TMEM132C: variants seen among roughly 807,000 people sequenced by gnomAD.
TMEM132C encodes transmembrane protein 132C.
In TMEM132C, 29 loss-of-function variants were observed where a neutral mutation model predicts 61.4. The ratio of observed to expected loss-of-function variants is 0.47; its 90% CI spans 0.35 to 0.64. TMEM132C has a LOEUF of 0.64. TMEM132C is among the 30% of genes least tolerant of loss of function. TMEM132C has a pLI of 0.00. For missense variants in TMEM132C, 1,408 were observed against 1,476.9 expected, an observed-to-expected ratio of 0.95 and a Z score of 0.76; for synonymous variants, 656 against 633.1, an observed-to-expected ratio of 1.04 and a Z score of -0.54.
intron 2 of TMEM132C, among the ~76,000 whole-genome samples, chr12:128,519,409 C>T (rs1425896464): frequency 1.3e-5 from 2 of 152,234 alleles, no homozygotes; most frequent in Admixed American, 6.5e-5. Flanking sequence ...TTCATCCTTA[C>T]AGTGAAGGCT....
intron 1 of TMEM132C, among the ~76,000 whole-genome samples, chr12:128,402,147 C>A (rs1875183609): frequency 6.6e-6 from 1 of 152,130 alleles, no homozygotes; most frequent in Non-Finnish European, 1.5e-5. Flanking sequence ...AGGTGACCTC[C>A]AGAAAATGGA....
At chr12:128,276,092 CT>C (rs2135894211) in intron 1 of TMEM132C, among the ~76,000 whole-genome samples, 1 of 152,298 alleles carries the variant, frequency 6.6e-6, no homozygotes, top group South Asian at 2.1e-4. Context: ...TTTCAAGATC[CT>C]TAATGACATC....
intron 1 of TMEM132C, among the ~76,000 whole-genome samples, chr12:128,414,517 CAT>C (rs376740627): frequency 2.7e-4 from 41 of 152,284 alleles, no homozygotes; most frequent in African/African-American, 9.4e-4. Flanking sequence ...TTCTCATTTT[CAT>C]ATGTTTCAAC....
At chr12:128,347,068 C>T (rs1432235065) in intron 1 of TMEM132C, among the ~76,000 whole-genome samples, 1 of 152,150 alleles carries the variant, frequency 6.6e-6, no homozygotes, top group Non-Finnish European at 1.5e-5. Context: ...TCTTTTATCC[C>T]TCAGTTCCCT....
chr12:128,640,722 A>G (rs116224128), intron 4 of TMEM132C, among the ~76,000 whole-genome samples: 110 of 152,306 alleles, frequency 7.2e-4, no homozygotes, highest in African/African-American at 2.2e-3. Context: ...CAAAACCTCT[A>G]CAAAAAATTT....
intron 3 of TMEM132C, among the ~76,000 whole-genome samples, chr12:128,595,268 A>G (rs950795405): frequency 2.0e-5 from 3 of 152,184 alleles, no homozygotes; most frequent in African/African-American, 7.2e-5. Context: ...GTCATAATAC[A>G]AGGAACTATT....
chr12:128,608,141 T>A (rs921427532), intron 3 of TMEM132C, among the ~76,000 whole-genome samples: 1 of 152,222 alleles, frequency 6.6e-6, no homozygotes, highest in Non-Finnish European at 1.5e-5. Flanking sequence ...CTTTCTGGGC[T>A]ATTAAACAGG....
At chr12:128,559,393 G>T (rs1291881358) in intron 3 of TMEM132C, among the ~76,000 whole-genome samples, 3 of 151,490 alleles carry the variant, frequency 2.0e-5, no homozygotes, top group Non-Finnish European at 2.9e-5. Flanking sequence ...GGTTTTTTTT[G>T]CCTGGAAGTA....
chr12:128,524,167 T>C (rs1873008064), intron 2 of TMEM132C, among the ~76,000 whole-genome samples: 1 of 152,190 alleles, frequency 6.6e-6, no homozygotes, highest in Non-Finnish European at 1.5e-5. Context: ...GATTCTGTTA[T>C]TAGAAAGGAA....
chr12:128,466,460 T>C (rs535332173), intron 2 of TMEM132C, among the ~76,000 whole-genome samples: 3 of 152,194 alleles, frequency 2.0e-5, no homozygotes, highest in Non-Finnish European at 2.9e-5. Context: ...GAATAATGGA[T>C]TGCTTAGAGC....
intron 2 of TMEM132C, among the ~76,000 whole-genome samples, chr12:128,468,317 C>CTT (rs138666259): frequency 6.8e-6 from 1 of 147,588 alleles, no homozygotes; most frequent in African/African-American, 2.5e-5. Flanking sequence ...ACCAAATTTA[C>CTT]TTTTTTTTTT....
chr12:128,345,491 C>T (rs1463314395), intron 1 of TMEM132C, among the ~76,000 whole-genome samples: 2 of 152,184 alleles, frequency 1.3e-5, no homozygotes, highest in South Asian at 4.1e-4. Flanking sequence ...CACTGTCTTC[C>T]ACAATGATTG....
intron 2 of TMEM132C, among the ~76,000 whole-genome samples, chr12:128,470,318 C>T (rs547449640): frequency 6.6e-6 from 1 of 152,316 alleles, no homozygotes; most frequent in African/African-American, 2.4e-5. Flanking sequence ...GCATTTGTCG[C>T]GTGTCCTCTG....
chr12:128,619,591 G>T (rs1013032909), intron 4 of TMEM132C, among the ~76,000 whole-genome samples: 2 of 152,174 alleles, frequency 1.3e-5, no homozygotes, highest in Non-Finnish European at 1.5e-5. Flanking sequence ...CCTTGTGAGG[G>T]CAGGAAAGCT....
At chr12:128,345,461 A>T (rs1248665006) in intron 1 of TMEM132C, among the ~76,000 whole-genome samples, 1 of 152,194 alleles carries the variant, frequency 6.6e-6, no homozygotes, top group Non-Finnish European at 1.5e-5. Context: ...TTCTATCTTC[A>T]GGTCTTTGAG....
intron 3 of TMEM132C, among the ~76,000 whole-genome samples, chr12:128,584,909 A>G (rs946807325): frequency 1.3e-5 from 2 of 152,232 alleles, no homozygotes; most frequent in African/African-American, 4.8e-5. Context: ...AGCACACAGC[A>G]GAAGGTGCCA....
intron 2 of TMEM132C, among the ~76,000 whole-genome samples, chr12:128,533,956 CA>C (rs1873424311): frequency 7.3e-6 from 1 of 137,774 alleles, no homozygotes; most frequent in African/African-American, 2.5e-5. Context: ...CATACACACA[CA>C]CACACACACA....
In TMEM132C at chr12:128,326,738, G is replaced by T. The variant is rs578225063; in HGVS notation, c.85+59251G>T. 2.4e-4 allele frequency among the ~76,000 whole-genome samples: 36 copies of T among 152,282 alleles called. No homozygotes were observed. The highest frequency in any genetic ancestry group is 8.4e-4 in the African/African-American group (35 of 41,554). ...AGGCTGGAAGGTAAGAGGCAGAGAA[G>T]TTTCGAGATTCATCAGATGTCTTTA... On this transcript the variant is annotated intron_variant, in intron 1 of 8. Coordinates refer to ENST00000435159, the MANE Select transcript of TMEM132C (RefSeq NM_001136103.3). The surrounding 1 kb of genome is among the most constrained non-coding windows in gnomAD (Gnocchi z 5.6).
intron 3 of TMEM132C, among the ~76,000 whole-genome samples, chr12:128,572,145 T>C (rs1249225611): frequency 6.7e-6 from 1 of 149,442 alleles, no homozygotes; most frequent in Non-Finnish European, 1.5e-5. Flanking sequence ...CACACGCCCA[T>C]TGTGGCCTCT....
Sources: gnomAD v4.1 joint callset for allele counts (sites outside exome capture counted in the v4.1 genomes callset) on GRCh38, gnomAD v4.1.1 for gene constraint, Gnocchi (gnomAD v3.1) non-coding constraint, MANE v1.5 for transcripts, NCBI Gene and HGNC (gene_info 2026-07-23, HGNC 2026-07-21) for gene names.